Variants in MAF observed in about 807,000 individuals in gnomAD.
The protein encoded by MAF is MAF bZIP transcription factor, also known as transcription factor Maf.
MAF carries 10 observed loss-of-function variants against 22.0 expected under a neutral mutation model. The ratio of observed to expected loss-of-function variants is 0.45; its 90% CI spans 0.28 to 0.77. The LOEUF (loss-of-function observed/expected upper bound fraction) is 0.77, where lower values mean the gene tolerates loss of function less well. Ranked by LOEUF, MAF falls within the 30% of genes least tolerant of loss-of-function variation. MAF has a pLI of 0.12. For missense variants in MAF, 544 were observed against 548.4 expected, an observed-to-expected ratio of 0.99 and a Z score of 0.08; for synonymous variants, 337 against 255.8, an observed-to-expected ratio of 1.32 and a Z score of -3.03.
chr16:79,231,300 G>C, the MAF span, among the ~76,000 whole-genome samples: 3 of 152,004 alleles, frequency 2.0e-5, no homozygotes, highest in African/African-American at 7.2e-5. Context: ...CACAATTTTG[G>C]TATTCTGACC....
the MAF span, among the ~76,000 whole-genome samples, chr16:79,236,611 G>A: frequency 6.6e-6 from 1 of 152,030 alleles, no homozygotes. Context: ...AGGAAATATT[G>A]TGAAGAAATT....
the MAF span, among the ~76,000 whole-genome samples, chr16:79,325,862 C>T: frequency 2.7e-4 from 41 of 152,176 alleles, no homozygotes; most frequent in African/African-American, 8.9e-4. Context: ...ATGATACAGA[C>T]GGCCCCAGTC....
the MAF span, among the ~76,000 whole-genome samples, chr16:79,234,905 T>G: frequency 6.6e-6 from 1 of 151,980 alleles, no homozygotes; most frequent in African/African-American, 2.4e-5. Flanking sequence ...GCCCTCGCGT[T>G]GCTGGACGCA....
the MAF span, among the ~76,000 whole-genome samples, chr16:79,213,743 T>G: frequency 6.6e-6 from 1 of 152,182 alleles, no homozygotes; most frequent in South Asian, 2.1e-4. Context: ...GCCCCAGCTG[T>G]GCCAATTCAG....
chr16:79,309,948 G>C, the MAF span, among the ~76,000 whole-genome samples: 1 of 152,184 alleles, frequency 6.6e-6, no homozygotes, highest in East Asian at 1.9e-4. Context: ...ATATTCAGAG[G>C]TTAATAGCCT....
the MAF span, among the ~76,000 whole-genome samples, chr16:79,283,128 C>T: frequency 7.2e-5 from 11 of 152,164 alleles, no homozygotes; most frequent in African/African-American, 2.2e-4. Flanking sequence ...AGCACAGTAC[C>T]AGGCATTGTG....
chr16:79,598,020 T>C, intron 1 of MAF: 4 of 944,510 alleles, frequency 4.2e-6, no homozygotes, highest in Non-Finnish European at 4.9e-6. Flanking sequence ...TTCATGAGGA[T>C]TTTTTTCTCT....
At chr16:79,311,387 G>C in the MAF span, among the ~76,000 whole-genome samples, 7 of 151,578 alleles carry the variant, frequency 4.6e-5, no homozygotes, top group Non-Finnish European at 7.4e-5. Context: ...CCTTTTCTGC[G>C]ACCCTTTGGG....
At chr16:79,516,411 C>A in the MAF span, 127,153 of 151,856 alleles carry the variant, frequency 0.84, 53,497 homozygotes, top group East Asian at 0.92. Context: ...ATTTACAAAC[C>A]TTCTTTGTTT....
At chr16:79,585,996 T>C in intron 1 of MAF, 1 of 657,682 alleles carries the variant, frequency 1.5e-6, no homozygotes, top group Admixed American at 2.8e-5. Flanking sequence ...CCACGAAGAA[T>C]GTTTCAAGAA....
chr16:79,596,956 A>C (rs1913566839), intron 1 of MAF: 1 of 1,050,738 alleles, frequency 9.5e-7, no homozygotes, highest in Non-Finnish European at 1.1e-6. Flanking sequence ...TTAATTTTGA[A>C]AAGAAAAAAA....
chr16:79,598,579 GGGGT>G (rs745948563), intron 1 of MAF: 1 of 1,327,252 alleles, frequency 7.5e-7, no homozygotes, highest in East Asian at 3.4e-5. Context: ...AGCAGGGTGT[GGGGT>G]GTGTGTGTGT....
At chr16:79,307,498 C>G in the MAF span, among the ~76,000 whole-genome samples, 2 of 152,198 alleles carry the variant, frequency 1.3e-5, no homozygotes, top group South Asian at 4.1e-4. Flanking sequence ...CTGTTGGAAA[C>G]CAGAATTGAG....
chr16:79,448,929 G>A, the MAF span, among the ~76,000 whole-genome samples: 26 of 152,188 alleles, frequency 1.7e-4, 1 homozygote, highest in South Asian at 4.2e-3. Context: ...TACATTTATT[G>A]TGCACTTTAT....
chr16:79,409,986 C>A, the MAF span, among the ~76,000 whole-genome samples: 1 of 152,276 alleles, frequency 6.6e-6, no homozygotes, highest in African/African-American at 2.4e-5. Flanking sequence ...ATATTTGAGT[C>A]CTTGTGGATG....
chr16:79,329,053 C>T, the MAF span, among the ~76,000 whole-genome samples: 22 of 149,474 alleles, frequency 1.5e-4, no homozygotes, highest in Non-Finnish European at 2.5e-4. Flanking sequence ...CCACTCACTC[C>T]GCAACTTGCC....
At chr16:79,300,231 C>T in the MAF span, among the ~76,000 whole-genome samples, 1 of 152,168 alleles carries the variant, frequency 6.6e-6, no homozygotes, top group Non-Finnish European at 1.5e-5. Context: ...TTATTGACTG[C>T]TATTTGTGTG....
At chr16:79,382,552 A>G in the MAF span, among the ~76,000 whole-genome samples, 5 of 152,194 alleles carry the variant, frequency 3.3e-5, no homozygotes, top group Admixed American at 2.0e-4. Context: ...ACCCTATACA[A>G]ATAACGTACA....
At chr16:79,265,468 C>T in the MAF span, among the ~76,000 whole-genome samples, 1 of 151,932 alleles carries the variant, frequency 6.6e-6, no homozygotes, top group Non-Finnish European at 1.5e-5. Flanking sequence ...AGCAGTTCTC[C>T]CTTATCCAAG....
Sources: gnomAD v4.1 joint callset for allele counts (sites outside exome capture counted in the v4.1 genomes callset) on GRCh38, gnomAD v4.1.1 for gene constraint, MANE v1.5 for transcripts, NCBI Gene and HGNC (gene_info 2026-07-23, HGNC 2026-07-21) for gene names.